The following SLC4A4 variants were observed in gnomAD, a reference collection of about 807,000 sequenced individuals.
SLC4A4 encodes electrogenic sodium bicarbonate cotransporter 1.
A neutral mutation model predicts 111.5 loss-of-function variants in SLC4A4; 27 were observed. The observed-to-expected ratio is 0.24, with a 90% CI of 0.18 to 0.33. The LOEUF is 0.33. SLC4A4 is among the 10% of genes least tolerant of loss of function. The pLI, the probability that SLC4A4 is intolerant of heterozygous loss-of-function variation, is 1.00. For synonymous variants in SLC4A4, 443 were observed against 463.4 expected (o/e 0.96, Z 0.57); for missense variants, 909 against 1,315.5 (o/e 0.69, Z 4.78).
At chr4:71,150,214 C>G (rs1360161038) in intron 2 of SLC4A4, among the ~76,000 whole-genome samples, 1 of 152,050 alleles carries the variant, frequency 6.6e-6, no homozygotes, top group Non-Finnish European at 1.5e-5. Flanking sequence ...TTTCTGTACA[C>G]ATTGATGTTG....
intron 7 of SLC4A4, among the ~76,000 whole-genome samples, chr4:71,431,178 G>A (rs1034894076): frequency 3.3e-5 from 5 of 151,232 alleles, no homozygotes; most frequent in Non-Finnish European, 7.4e-5. Flanking sequence ...TAATAAAAAG[G>A]CAACATTCTA....
upstream of SLC4A4, among the ~76,000 whole-genome samples, chr4:71,182,744 T>A (rs1869257): frequency 2.8e-4 from 37 of 131,032 alleles, no homozygotes; most frequent in South Asian, 5.1e-4. Context: ...ACACACACAC[T>A]CTCTCTCACA....
chr4:71,341,811 A>T (rs2148892196), intron 4 of SLC4A4, among the ~76,000 whole-genome samples: 1 of 152,276 alleles, frequency 6.6e-6, no homozygotes, highest in Admixed American at 6.5e-5. Context: ...ATTCCTCACC[A>T]AGAGTTTCTA....
chr4:71,111,821 C>T (rs143815564), intron 2 of SLC4A4, among the ~76,000 whole-genome samples: 6,336 of 151,660 alleles, frequency 0.042, 191 homozygotes, highest in African/African-American at 0.08. Context: ...CTCAGCCTCC[C>T]GAGTAGCTGG....
intron 7 of SLC4A4, among the ~76,000 whole-genome samples, chr4:71,421,892 C>A (rs1722551403): frequency 6.6e-6 from 1 of 151,808 alleles, no homozygotes. Flanking sequence ...CAGGAAAGAT[C>A]CAAAATTGAC....
At chr4:71,355,979 T>C (rs867936809) in intron 5 of SLC4A4, among the ~76,000 whole-genome samples, 1 of 152,234 alleles carries the variant, frequency 6.6e-6, no homozygotes, top group Non-Finnish European at 1.5e-5. Flanking sequence ...TTACTCACAT[T>C]CTGTGCAGAG....
At chr4:71,307,322 C>T (rs924538701) in intron 3 of SLC4A4, among the ~76,000 whole-genome samples, 1 of 152,208 alleles carries the variant, frequency 6.6e-6, no homozygotes, top group African/African-American at 2.4e-5. Context: ...TCACCCCATG[C>T]CTCACTGAGA....
chr4:71,231,138 G>A (rs1719395205), intron 1 of SLC4A4, among the ~76,000 whole-genome samples: 1 of 152,228 alleles, frequency 6.6e-6, no homozygotes, highest in African/African-American at 2.4e-5. Flanking sequence ...CGAATCTAAA[G>A]GCTAGCACAC....
chr4:71,100,509 T>C (rs949492695), intron 2 of SLC4A4, among the ~76,000 whole-genome samples: 4 of 152,144 alleles, frequency 2.6e-5, no homozygotes, highest in African/African-American at 7.2e-5. Context: ...GGGCAAAAGC[T>C]GGAAGCACCC....
chr4:71,236,559 C>A lies in SLC4A4; in HGVS notation c.-1-17C>A. On this transcript the variant is annotated splice_polypyrimidine_tract_variant and intron_variant, in intron 1 of 25. Coordinates refer to ENST00000264485, the MANE Select transcript of SLC4A4 (RefSeq NM_001098484.3). ...GGAGAAGTCTGAGCATTCTTTTTTTCTTTTTTATTACTATAGGATGGAGGA... is the reference window on the plus strand; with the variant it reads ...GGAGAAGTCTGAGCATTCTTTTTTTATTTTTTATTACTATAGGATGGAGGA... 1 of 1,610,124 alleles carries A rather than the reference C, an allele frequency of 6.2e-7. No individual in the cohort carries two copies. Among genetic ancestry groups the A allele is most frequent in the Non-Finnish European group, 8.5e-7 (1 of 1,177,044 alleles).
intron 1 of SLC4A4, among the ~76,000 whole-genome samples, chr4:71,194,464 T>C (rs1745893328): frequency 6.6e-6 from 1 of 152,212 alleles, no homozygotes; most frequent in African/African-American, 2.4e-5. Flanking sequence ...CTGTGCTTTA[T>C]ATATTTTTTT....
chr4:71,461,653 T>C (rs544188087), intron 12 of SLC4A4, among the ~76,000 whole-genome samples: 11 of 152,090 alleles, frequency 7.2e-5, no homozygotes, highest in Non-Finnish European at 5.9e-5. Context: ...TGGCTTTTAA[T>C]TTTTTTTAGA....
At chr4:71,195,949 C>T (rs1194527336) in intron 1 of SLC4A4, among the ~76,000 whole-genome samples, 1 of 152,202 alleles carries the variant, frequency 6.6e-6, no homozygotes, top group African/African-American at 2.4e-5. Context: ...CCAGAAGGAT[C>T]AGGAATGAAG....
chr4:71,308,638 C>T (rs915838262), intron 3 of SLC4A4, among the ~76,000 whole-genome samples: 4 of 151,872 alleles, frequency 2.6e-5, no homozygotes, highest in African/African-American at 9.7e-5. Flanking sequence ...GACTCCCTCC[C>T]CTAGCCAAGG....
chr4:71,311,888 TGTGAGAGAGAGAGAGAGA>T (rs1726203670), intron 3 of SLC4A4, among the ~76,000 whole-genome samples: 1 of 31,502 alleles, frequency 3.2e-5, no homozygotes, highest in South Asian at 7.8e-4. Context: ...TGTGCAAGGC[TGTGAGAGAGAGAGAGAGA>T]GAGAGAGAGA....
chr4:71,527,378 A>C (rs1530975), intron 16 of SLC4A4, among the ~76,000 whole-genome samples: 122,671 of 152,028 alleles, frequency 0.81, 49,924 homozygotes, highest in East Asian at 0.93. Flanking sequence ...TGGGATATAA[A>C]AGAAAGAAGA....
At chr4:71,138,153 G>C (rs1743895410) in intron 2 of SLC4A4, among the ~76,000 whole-genome samples, 1 of 152,154 alleles carries the variant, frequency 6.6e-6, no homozygotes, top group Non-Finnish European at 1.5e-5. Flanking sequence ...GATTAATGGA[G>C]GATATGTTTA....
intron 1 of SLC4A4, among the ~76,000 whole-genome samples, chr4:71,073,330 C>T (rs910282659): frequency 3.3e-5 from 5 of 152,028 alleles, no homozygotes; most frequent in Admixed American, 6.6e-5. Context: ...ATGGTGAGAG[C>T]GGTCATCTTT....
In SLC4A4 at chr4:71,453,200, G is replaced by A. The variant is rs77094970; in HGVS notation, c.1323-295G>A. Among the ~76,000 whole-genome samples the A allele has an allele frequency of 2.1e-3, 317 of 152,190 alleles. 4 individuals carry two copies. Among genetic ancestry groups the A allele is most frequent in the African/African-American group, 7.1e-3 (294 of 41,524 alleles). ...ATATGATCTGCTTGCATATTAGGAC[G>A]TTTTTCTCTAGGCAATGAAACATTT... On this transcript the variant is annotated intron_variant, in intron 11 of 25. Coordinates refer to ENST00000264485, the MANE Select transcript of SLC4A4 (RefSeq NM_001098484.3).
Sources: gnomAD v4.1 joint callset for allele counts (sites outside exome capture counted in the v4.1 genomes callset) on GRCh38, gnomAD v4.1.1 for gene constraint, MANE v1.5 for transcripts, NCBI Gene and HGNC (gene_info 2026-07-23, HGNC 2026-07-21) for gene names.